Variants in PLEKHG7 observed in about 807,000 individuals in gnomAD.
PLEKHG7 encodes the protein pleckstrin homology domain-containing family G member 7.
PLEKHG7 carries 77 observed loss-of-function variants against 85.2 expected under a neutral mutation model. That is an observed-to-expected ratio of 0.90 (90% confidence interval 0.75 to 1.09). PLEKHG7 has a LOEUF of 1.09. Ranked by LOEUF, PLEKHG7 falls within the 50% of genes least tolerant of loss-of-function variation. The probability of loss-of-function intolerance (pLI) is 0.00; values close to 1 mark genes in which losing one functional copy is unlikely to be tolerated. For synonymous variants in PLEKHG7, 301 were observed against 302.4 expected, an observed-to-expected ratio of 1.00 and a Z score of 0.05; for missense variants, 777 against 804.3, an observed-to-expected ratio of 0.97 and a Z score of 0.41.
intron 8 of PLEKHG7, 44 bp downstream of exon 8, chr12:92,740,992 A>C: frequency 2.9e-6 from 4 of 1,386,526 alleles, no homozygotes; most frequent in Non-Finnish European, 4.1e-6. Flanking sequence ...TCACTAGAGG[A>C]CCATGAAAAT....
At position 92,754,949 on chromosome 12, in the gene PLEKHG7, T is replaced by TA. The variant is rs200289354; in HGVS notation, c.1426+695dup. On this transcript the variant is annotated intron_variant, in intron 11 of 16. Transcript: ENST00000344636. ...ATGATACTGCCTGAAACAGATGCTT[T>TA]AAAAAAAAAAGTAAGACTGTTTAAT... 3.0e-3 allele frequency among the ~76,000 whole-genome samples: 442 copies of TA among 149,778 alleles called. 1 individual carries two copies. Among genetic ancestry groups the TA allele is most frequent in the African/African-American group, 9.0e-3 (368 of 41,026 alleles).
chr12:92,754,055 G>C, intron 10 of PLEKHG7, 35 bp from the exon 11 acceptor site: 1 of 1,600,864 alleles, frequency 6.2e-7, no homozygotes, highest in Non-Finnish European at 8.5e-7. Flanking sequence ...TGGGAGAGGT[G>C]ATCATTCTGA....
At chr12:92,756,170 C>A in intron 12 of PLEKHG7, 128 bp from the exon 13 acceptor site, 1 of 748,590 alleles carries the variant, frequency 1.3e-6, no homozygotes, top group East Asian at 2.7e-5. Context: ...TTCCCATTCC[C>A]ATGTCCATCT....
chr12:92,729,138 T>C lies in PLEKHG7; in HGVS notation c.658+18T>C. The C allele has an allele frequency of 8.1e-7, 1 of 1,231,642 alleles. No individual in the cohort carries two copies. Among genetic ancestry groups the C allele is most frequent in the Middle Eastern group, 3.1e-4 (1 of 3,200 alleles). 76.3% of individuals were successfully genotyped at this position (1,231,642 alleles called of 1,614,324 possible). A position where few individuals can be genotyped will look rare whatever the true frequency, so the allele number is the denominator to read the frequency against. On this transcript the variant is annotated intron_variant, in intron 4 of 16. Coordinates refer to ENST00000344636, the MANE Select transcript of PLEKHG7 (RefSeq NM_001377329.1). ...GAATTCAGGTTCTGTTCATTCAGTA[T>C]ACTTTCATTCCATGCCCACTGTGGA...
intron 3 of PLEKHG7, 72 bp downstream of exon 3, chr12:92,707,744 C>A (rs779071414): frequency 6.2e-7 from 1 of 1,606,704 alleles, no homozygotes. Context: ...TTATTTCTGT[C>A]CTGACATAAC....
intron 3 of PLEKHG7, among the ~76,000 whole-genome samples, chr12:92,714,473 G>A (rs1490550181): frequency 6.6e-6 from 1 of 152,180 alleles, no homozygotes; most frequent in Non-Finnish European, 1.5e-5. Context: ...GGCTGTGCAT[G>A]CACCTTTCAT....
chr12:92,764,226 T>G (rs1873121684), intron 15 of PLEKHG7, 32 bp downstream of exon 15: 1 of 1,561,232 alleles, frequency 6.4e-7, no homozygotes, highest in Non-Finnish European at 8.7e-7. Context: ...TCAGCTCATC[T>G]GTTTGCCATC....
chr12:92,715,538 A>T (rs780486470), intron 3 of PLEKHG7, among the ~76,000 whole-genome samples: 1 of 151,444 alleles, frequency 6.6e-6, no homozygotes, highest in Non-Finnish European at 1.5e-5. Flanking sequence ...GTCTCTCTTC[A>T]CTCCCTCTTC....
At chr12:92,721,417 G>T in intron 3 of PLEKHG7, 1 of 1,210,734 alleles carries the variant, frequency 8.3e-7, no homozygotes, top group Non-Finnish European at 1.0e-6. Flanking sequence ...CTTCAGCAGA[G>T]CATAGAATAA....
intron 3 of PLEKHG7, among the ~76,000 whole-genome samples, chr12:92,716,695 T>G (rs141902073): frequency 6.6e-6 from 1 of 152,368 alleles, no homozygotes; most frequent in African/African-American, 2.4e-5. Context: ...GCCAGTACAT[T>G]TCTCCCTTTT....
chr12:92,742,932 A>G lies in PLEKHG7; in HGVS notation c.1137+1340A>G, dbSNP rs530157865. ...AAACATGTAAGTATACTTAGAGGCC[A>G]CTAAAGAATGGGGTATTATTAGGCT... is the stretch of plus-strand genomic sequence containing the variant. On this transcript the variant is annotated intron_variant, in intron 9 of 16. Coordinates refer to ENST00000344636, the MANE Select transcript of PLEKHG7 (RefSeq NM_001377329.1). 1.5e-3 allele frequency among the ~76,000 whole-genome samples: 223 copies of G among 152,324 alleles called. 2 individuals carry two copies. The highest frequency in any genetic ancestry group is 1.7e-3 in the Non-Finnish European group (118 of 68,028).
intron 9 of PLEKHG7, among the ~76,000 whole-genome samples, chr12:92,744,857 G>A (rs1472072904): frequency 2.0e-5 from 3 of 152,000 alleles, no homozygotes; most frequent in South Asian, 2.1e-4. Context: ...TATTAGAGAC[G>A]GGGTTTCAAT....
intron 3 of PLEKHG7, among the ~76,000 whole-genome samples, chr12:92,724,498 A>T (rs115466090): frequency 0.014 from 2,101 of 152,292 alleles, 43 homozygotes; most frequent in African/African-American, 0.048. Flanking sequence ...AGGATGAGAG[A>T]TCTGTGTCAG....
intron 16 of PLEKHG7, among the ~76,000 whole-genome samples, chr12:92,769,469 T>C (rs929686430): frequency 5.3e-5 from 8 of 152,164 alleles, no homozygotes; most frequent in African/African-American, 1.9e-4. Context: ...GTGCATATAA[T>C]AGGATATTAG....
Position 92,706,487 on chromosome 12 carries a change from G to A in PLEKHG7, c.-145G>A. The A allele has an allele frequency of 3.0e-6, 3 of 1,010,838 alleles. No homozygotes were observed. Among genetic ancestry groups the A allele is most frequent in the Non-Finnish European group, 4.2e-6 (3 of 710,026 alleles). The allele number at this position is 1,010,838 out of a possible 1,614,324, so 62.6% of individuals were successfully genotyped here. ...TCACTACAGATGCAATAACCTGCTT[G>A]ACATTCTCCTCTGGAAAAGGAAAAG... On this transcript the variant is annotated 5_prime_UTR_variant, in exon 2 of 17. Transcript: ENST00000344636.
intron 10 of PLEKHG7, among the ~76,000 whole-genome samples, chr12:92,749,887 A>ATT (rs1872637523): frequency 7.4e-6 from 1 of 134,328 alleles, no homozygotes; most frequent in South Asian, 2.2e-4. Context: ...TTTATTTTTT[A>ATT]TTTTATTTTA....
intron 3 of PLEKHG7, among the ~76,000 whole-genome samples, chr12:92,720,928 GTCT>G (rs1019957437): frequency 5.3e-5 from 8 of 152,138 alleles, no homozygotes; most frequent in Non-Finnish European, 7.3e-5. Flanking sequence ...CCATTCACAA[GTCT>G]TCTTGGAGTC....
At position 92,772,320 on chromosome 12, in the gene PLEKHG7, CA is replaced by C. The variant is rs935676970; in HGVS notation, c.*2129del. On this transcript the variant is annotated 3_prime_UTR_variant, in exon 17 of 17. Coordinates refer to ENST00000344636, the MANE Select transcript of PLEKHG7 (RefSeq NM_001377329.1). ...ACAATATTAAATGGAATGTCTAAGG[CA>C]AAATGGCATTAATAATTTCTCTTGA... 6.6e-6 allele frequency: 1 copy of C among 151,732 alleles called. No homozygotes were observed. Among genetic ancestry groups the C allele is most frequent in the African/African-American group, 2.4e-5 (1 of 41,374 alleles). The allele number at this position is 151,732 out of a possible 1,614,324, so 9.4% of individuals were successfully genotyped here. A position where few individuals can be genotyped will look rare whatever the true frequency, so the allele number is the denominator to read the frequency against.
intron 13 of PLEKHG7, 109 bp from the exon 14 acceptor site, chr12:92,761,643 A>AAGAAAGAAAGAAAG (rs1565797583): frequency 3.8e-6 from 2 of 533,052 alleles, no homozygotes; most frequent in Admixed American, 7.3e-5. Context: ...AGAAAGAAAG[A>AAGAAAGAAAGAAAG]AAGAAAGAAA....
Sources: gnomAD v4.1 joint callset for allele counts (sites outside exome capture counted in the v4.1 genomes callset) on GRCh38, gnomAD v4.1.1 for gene constraint, MANE v1.5 for transcripts, NCBI Gene and HGNC (gene_info 2026-07-23, HGNC 2026-07-21) for gene names.